STK3: variants seen among roughly 807,000 people sequenced by gnomAD.
STK3 encodes the protein serine/threonine kinase 3.
A neutral mutation model predicts 58.0 loss-of-function variants in STK3; 41 were observed. That is an observed-to-expected ratio of 0.71 (90% confidence interval 0.55 to 0.92). The LOEUF (loss-of-function observed/expected upper bound fraction) is 0.92. Among genes scored for constraint, STK3 ranks in the 40% least tolerant of loss-of-function variants. The pLI, the probability that STK3 is intolerant of heterozygous loss-of-function variation, is 0.00. For synonymous variants in STK3, 170 were observed against 191.0 expected (o/e 0.89, Z 0.91); for missense variants, 479 against 602.7 (o/e 0.79, Z 2.15).
At chr8:98,869,022 AGAAGGAAGGAAG>A (rs200905250) in intron 3 of STK3, among the ~76,000 whole-genome samples, 7,238 of 111,710 alleles carry the variant, frequency 0.065, 268 homozygotes, top group Middle Eastern at 0.079. Flanking sequence ...GAAAAAGGAA[AGAAGGAAGGAAG>A]GAAGGAAGGA....
At chr8:98,919,001 G>C (rs1839448791) in intron 1 of STK3, among the ~76,000 whole-genome samples, 1 of 151,800 alleles carries the variant, frequency 6.6e-6, no homozygotes, top group Admixed American at 6.6e-5. Context: ...AGGGAGATGG[G>C]CTCAAAACAG....
At chr8:98,565,724 T>G (rs1216081850) in intron 8 of STK3, among the ~76,000 whole-genome samples, 1 of 152,126 alleles carries the variant, frequency 6.6e-6, no homozygotes, top group African/African-American at 2.4e-5. Context: ...CTTTATTGCA[T>G]AGAAAGACCA....
rs1216433737 is a variant in STK3, at chr8:98,429,534, C to A, written n.483+4593G>T. 7.2e-6 allele frequency: 5 copies of A among 692,670 alleles called. No individual in the cohort carries two copies. In the Middle Eastern group the frequency reaches 1.2e-3, roughly 165 times the overall value. 42.9% of individuals were successfully genotyped at this position (692,670 alleles called of 1,614,324 possible). The stretch of plus-strand genomic sequence containing the variant: ...TGCCCAGCCCCTGAGGGGAGAGATG[C>A]ATGGGATATGCACCCAGGTTTCTTT... On this transcript the variant is annotated intron_variant and non_coding_transcript_variant, in intron 3 of 3. Coordinates refer to the STK3 transcript ENST00000517832.
rs539576863 is a variant in STK3, at chr8:98,606,092, G to C, written c.685-9923C>G. 6.6e-5 allele frequency: 10 copies of C among 152,494 alleles called. No individual in the cohort carries two copies. In the East Asian group the frequency reaches 1.5e-3, roughly 24 times the overall value. 9.4% of individuals were successfully genotyped at this position (152,494 alleles called of 1,614,324 possible). ...AAAATACAAAAATTAGCCAGGTGTGGTGGTGGGTGCCTGTAATCCCAGCTA... is the reference window on the plus strand; with the variant it reads ...AAAATACAAAAATTAGCCAGGTGTGCTGGTGGGTGCCTGTAATCCCAGCTA... On this transcript the variant is annotated intron_variant, in intron 6 of 10. Coordinates refer to ENST00000419617, the MANE Select transcript of STK3 (RefSeq NM_006281.4).
At chr8:98,614,900 G>A (rs930102444) in intron 6 of STK3, among the ~76,000 whole-genome samples, 4 of 152,200 alleles carry the variant, frequency 2.6e-5, no homozygotes, top group Admixed American at 6.5e-5. Context: ...GCCCGCCATT[G>A]CCCGGGCTTG....
chr8:98,734,294 T>G (rs116735318), intron 4 of STK3, among the ~76,000 whole-genome samples: 45 of 152,334 alleles, frequency 3.0e-4, no homozygotes, highest in African/African-American at 1.1e-3. Context: ...TGTTACTTAT[T>G]ACTTAACAGA....
chr8:98,740,350 T>C (rs974929544), intron 4 of STK3, among the ~76,000 whole-genome samples: 13 of 152,112 alleles, frequency 8.5e-5, no homozygotes, highest in African/African-American at 2.9e-4. Flanking sequence ...GAGAGAAAGG[T>C]CGGGTTACCC....
At chr8:98,447,353 C>T (rs1371643621) in intron 1 of STK3, among the ~76,000 whole-genome samples, 1 of 151,962 alleles carries the variant, frequency 6.6e-6, no homozygotes, top group Non-Finnish European at 1.5e-5. Flanking sequence ...TTGAGGACTT[C>T]CAATCTGTAA....
At chr8:98,625,241 T>G (rs1818627314) in intron 6 of STK3, among the ~76,000 whole-genome samples, 1 of 152,156 alleles carries the variant, frequency 6.6e-6, no homozygotes, top group African/African-American at 2.4e-5. Flanking sequence ...ACAAATTACC[T>G]CTGGTTTCTC....
intron 6 of STK3, among the ~76,000 whole-genome samples, chr8:98,614,778 C>T (rs1817529172): frequency 6.6e-6 from 1 of 152,196 alleles, no homozygotes; most frequent in Non-Finnish European, 1.5e-5. Flanking sequence ...CACCACGAGA[C>T]TATATCCCAC....
In STK3 at chr8:98,762,180, A is replaced by AC. The variant is rs573878064; in HGVS notation, c.236+5062dup. On this transcript the variant is annotated intron_variant, in intron 3 of 10. Coordinates refer to ENST00000419617, the MANE Select transcript of STK3 (RefSeq NM_006281.4). ...ACCACACTGTGTACTGAAACAGCCTACCCATTCGTCTGTTTCTTCCAGCTG... is the reference window on the plus strand; with the variant it reads ...ACCACACTGTGTACTGAAACAGCCTACCCCATTCGTCTGTTTCTTCCAGCTG... 2.4e-4 allele frequency among the ~76,000 whole-genome samples: 37 copies of AC among 152,274 alleles called. 1 individual carries two copies. In the South Asian group the frequency reaches 7.7e-3, roughly 32 times the overall value.
chr8:98,549,988 C>T (rs1353003975), intron 8 of STK3, among the ~76,000 whole-genome samples: 1 of 152,080 alleles, frequency 6.6e-6, no homozygotes, highest in Admixed American at 6.6e-5. Flanking sequence ...GCCGGGGTGA[C>T]AGAGCAAGAC....
upstream of STK3, among the ~76,000 whole-genome samples, chr8:98,825,887 G>T (rs1312887487): frequency 4.7e-5 from 1 of 21,332 alleles, no homozygotes; most frequent in Admixed American, 4.9e-4. Flanking sequence ...CGCGCCGGCC[G>T]CCAGCCTGCG....
chr8:98,854,575 T>C (rs1012765366), intron 3 of STK3, among the ~76,000 whole-genome samples: 2 of 152,206 alleles, frequency 1.3e-5, no homozygotes, highest in Non-Finnish European at 2.9e-5. Flanking sequence ...TGTATTTTTA[T>C]ATACTTGCAA....
chr8:98,623,649 T>G (rs1818498063), intron 6 of STK3, among the ~76,000 whole-genome samples: 1 of 152,120 alleles, frequency 6.6e-6, no homozygotes, highest in Admixed American at 6.5e-5. Flanking sequence ...CCAGGCATGG[T>G]GGTGTGCACC....
chr8:98,695,779 G>T (rs538312572), intron 6 of STK3, among the ~76,000 whole-genome samples: 125 of 152,292 alleles, frequency 8.2e-4, no homozygotes, highest in African/African-American at 2.9e-3. Context: ...TAGCCTTGTA[G>T]TTTGAAGTCA....
upstream of STK3, among the ~76,000 whole-genome samples, chr8:98,828,541 A>G (rs1291977866): frequency 6.6e-6 from 1 of 150,864 alleles, no homozygotes; most frequent in African/African-American, 2.4e-5. Flanking sequence ...TGATCAAGCC[A>G]CTGCACTCCA....
At chr8:98,600,166 T>A (rs1462440140) in intron 6 of STK3, among the ~76,000 whole-genome samples, 2 of 152,158 alleles carry the variant, frequency 1.3e-5, no homozygotes, top group African/African-American at 2.4e-5. Context: ...CAATCATTAA[T>A]CTGGCCAAGA....
chr8:98,797,670 A>G (rs976643442), intron 1 of STK3, among the ~76,000 whole-genome samples: 1 of 152,220 alleles, frequency 6.6e-6, no homozygotes, highest in African/African-American at 2.4e-5. Flanking sequence ...GAGAACATGA[A>G]CTTTATTATA....
Sources: gnomAD v4.1 joint callset for allele counts (sites outside exome capture counted in the v4.1 genomes callset) on GRCh38, gnomAD v4.1.1 for gene constraint, MANE v1.5 for transcripts, NCBI Gene and HGNC (gene_info 2026-07-23, HGNC 2026-07-21) for gene names.